Variants in RABGAP1L observed in about 807,000 individuals in gnomAD.
RABGAP1L encodes the protein RAB GTPase activating protein 1 like.
A neutral mutation model predicts 137.7 loss-of-function variants in RABGAP1L; 63 were observed. That is an observed-to-expected ratio of 0.46 (90% CI 0.37 to 0.56). The LOEUF (loss-of-function observed/expected upper bound fraction) is 0.56, where lower values mean the gene tolerates loss of function less well. Among genes scored for constraint, RABGAP1L ranks in the 20% least tolerant of loss-of-function variants. The pLI is 0.00. For missense variants in RABGAP1L, 1,095 were observed against 1,244.0 expected (o/e 0.88, Z 1.80); for synonymous variants, 431 against 433.7 (o/e 0.99, Z 0.08).
intron 12 of RABGAP1L, among the ~76,000 whole-genome samples, chr1:174,382,432 A>C (rs1287372709): frequency 4.3e-5 from 2 of 46,200 alleles, no homozygotes; most frequent in African/African-American, 1.9e-4. Context: ...TACACCAATC[A>C]GACGTAGATT....
At chr1:174,985,978 G>A (rs763024659) in intron 24 of RABGAP1L, among the ~76,000 whole-genome samples, 13 of 150,552 alleles carry the variant, frequency 8.6e-5, no homozygotes, top group South Asian at 2.1e-4. Flanking sequence ...TCGCCCTGTC[G>A]CCCAGGCTGG....
intron 13 of RABGAP1L, among the ~76,000 whole-genome samples, chr1:174,491,563 G>A (rs1660238007): frequency 1.3e-5 from 2 of 152,092 alleles, no homozygotes; most frequent in African/African-American, 4.8e-5. Context: ...GGTGGTGCAA[G>A]CACTGTATTA....
chr1:174,241,654 G>A lies in RABGAP1L; in HGVS notation c.714G>A (p.Glu238=). 1.9e-6 allele frequency: 3 copies of A among 1,610,130 alleles called. No individual in the cohort carries two copies. The highest frequency in any genetic ancestry group is 2.5e-6 in the Non-Finnish European group (3 of 1,177,510). ...QIHVFSCEIK[E]AVSRILYSFC... is the part of the protein sequence containing the mutation. ...ATGTTTTCTCCTGTGAAATTAAAGA[G>A]GCAGTAAGTATAATATAGTATAGCA... is the stretch of plus-strand genomic sequence containing the variant. The change falls in exon 5 of 26, where the codon GAG becomes GAA. Residue 238 remains glutamate (E), a synonymous_variant. Transcript: ENST00000681986.
chr1:174,550,961 CAT>C (rs1278158800), intron 13 of RABGAP1L, among the ~76,000 whole-genome samples: 18 of 78,956 alleles, frequency 2.3e-4, no homozygotes, highest in African/African-American at 5.6e-4. Flanking sequence ...TATATATACA[CAT>C]ATATATACAT....
chr1:174,930,491 A>G (rs1016753102), intron 19 of RABGAP1L, among the ~76,000 whole-genome samples: 1 of 151,558 alleles, frequency 6.6e-6, no homozygotes, highest in Non-Finnish European at 1.5e-5. Context: ...CTAATTTTTT[A>G]TTTTTTGTAG....
At chr1:174,490,481 T>G (rs1451831911) in intron 13 of RABGAP1L, among the ~76,000 whole-genome samples, 1 of 152,144 alleles carries the variant, frequency 6.6e-6, no homozygotes, top group Non-Finnish European at 1.5e-5. Flanking sequence ...TTGATACAAG[T>G]GCCCCTGTGG....
At chr1:174,860,875 C>G (rs1573548016) in intron 19 of RABGAP1L, among the ~76,000 whole-genome samples, 1 of 152,082 alleles carries the variant, frequency 6.6e-6, no homozygotes, top group African/African-American at 2.4e-5. Context: ...TTACCACAGT[C>G]AAGCTAATTA....
chr1:174,637,308 G>A (rs1674137223), intron 13 of RABGAP1L, 67 bp from the exon 14 acceptor site: 2 of 1,073,464 alleles, frequency 1.9e-6, no homozygotes, highest in Admixed American at 4.1e-5. Flanking sequence ...TTTTTACCAT[G>A]TGTATATATT....
intron 13 of RABGAP1L, among the ~76,000 whole-genome samples, chr1:174,472,160 C>G (rs757068815): frequency 4.6e-5 from 7 of 152,206 alleles, no homozygotes; most frequent in Non-Finnish European, 8.8e-5. Flanking sequence ...AGACACCCAG[C>G]TGTATGTTTT....
intron 13 of RABGAP1L, among the ~76,000 whole-genome samples, chr1:174,495,299 C>T (rs536081858): frequency 4.6e-5 from 7 of 152,218 alleles, no homozygotes; most frequent in South Asian, 4.2e-4. Flanking sequence ...TGTGAGTAAT[C>T]TTTAGGGATT....
chr1:174,581,769 G>C (rs779214096), intron 13 of RABGAP1L, among the ~76,000 whole-genome samples: 1 of 152,102 alleles, frequency 6.6e-6, no homozygotes, highest in Non-Finnish European at 1.5e-5. Flanking sequence ...ACAAAGCTCA[G>C]GTCCTGAAAT....
intron 12 of RABGAP1L, among the ~76,000 whole-genome samples, chr1:174,374,631 G>A (rs571945017): frequency 2.6e-4 from 40 of 152,210 alleles, no homozygotes; most frequent in Middle Eastern, 3.4e-3. Context: ...AAGATCTATC[G>A]GAGGGGAATA....
chr1:174,435,207 A>G (rs961933916), intron 13 of RABGAP1L, among the ~76,000 whole-genome samples: 1 of 152,076 alleles, frequency 6.6e-6, no homozygotes, highest in Non-Finnish European at 1.5e-5. Flanking sequence ...TGGTACGAAC[A>G]AGGTCTTGCT....
Position 174,252,689 on chromosome 1 carries a change from C to G in RABGAP1L, c.986+99C>G. The G allele has an allele frequency of 4.8e-6, 7 of 1,469,934 alleles. No individual in the cohort carries two copies. In the South Asian group the frequency reaches 9.7e-5, roughly 20 times the overall value. The allele number at this position is 1,469,934 out of a possible 1,614,324, so 91.1% of individuals were successfully genotyped here. A position where few individuals can be genotyped will look rare whatever the true frequency, so the allele number is the denominator to read the frequency against. ...GTGGCTTTTCACTATACTTCATTTT[C>G]TCCAATTAAAAATGAGGATAATTAA... On this transcript the variant is annotated intron_variant, in intron 7 of 25. Coordinates refer to ENST00000681986, the MANE Select transcript of RABGAP1L (RefSeq NM_001366446.1).
chr1:174,936,226 A>G (rs1398691359), intron 19 of RABGAP1L, among the ~76,000 whole-genome samples: 2 of 152,120 alleles, frequency 1.3e-5, no homozygotes, highest in East Asian at 3.9e-4. Flanking sequence ...CAACTTTGAA[A>G]GGCTGAGGTA....
intron 13 of RABGAP1L, among the ~76,000 whole-genome samples, chr1:174,421,815 C>A (rs903769534): frequency 6.6e-6 from 1 of 152,222 alleles, no homozygotes; most frequent in Non-Finnish European, 1.5e-5. Flanking sequence ...GTTGCCCAGG[C>A]TGGAGTACAG....
At chr1:174,334,007 A>G (rs1046463085) in intron 11 of RABGAP1L, among the ~76,000 whole-genome samples, 1 of 152,192 alleles carries the variant, frequency 6.6e-6, no homozygotes, top group Admixed American at 6.6e-5. Context: ...AAGGCTCTCT[A>G]TTATGTGCAA....
At chr1:174,417,440 T>G (rs1270832308) in intron 13 of RABGAP1L, among the ~76,000 whole-genome samples, 1 of 152,216 alleles carries the variant, frequency 6.6e-6, no homozygotes, top group Admixed American at 6.5e-5. Context: ...AATTGCCTTT[T>G]AATAGGTAGA....
At chr1:174,933,905 A>G (rs1664283450) in intron 19 of RABGAP1L, among the ~76,000 whole-genome samples, 1 of 152,088 alleles carries the variant, frequency 6.6e-6, no homozygotes, top group Admixed American at 6.6e-5. Context: ...TCAACCCACC[A>G]TCCGTGGAAA....
Sources: gnomAD v4.1 joint callset for allele counts (sites outside exome capture counted in the v4.1 genomes callset) on GRCh38, gnomAD v4.1.1 for gene constraint, MANE v1.5 for transcripts, NCBI Gene and HGNC (gene_info 2026-07-23, HGNC 2026-07-21) for gene names.